Variants in TGIF1 observed in about 807,000 individuals in gnomAD.
TGIF1 encodes homeobox protein TGIF1.
TGIF1 carries 4 observed loss-of-function variants against 19.3 expected under a neutral mutation model. The ratio of observed to expected loss-of-function variants is 0.21; its 90% CI spans 0.10 to 0.47. TGIF1 has a LOEUF of 0.47. Among genes scored for constraint, TGIF1 ranks in the 20% least tolerant of loss-of-function variants. The pLI, the probability that TGIF1 is intolerant of heterozygous loss-of-function variation, is 0.98. For synonymous variants in TGIF1, 122 were observed against 129.3 expected, an observed-to-expected ratio of 0.94 and a Z score of 0.38; for missense variants, 275 against 341.4, an observed-to-expected ratio of 0.81 and a Z score of 1.53.
Position 3,427,880 on chromosome 18 carries a change from G to A in TGIF1, c.-45+9665G>A, listed in dbSNP as rs760487325. Among the ~76,000 whole-genome samples the A allele has an allele frequency of 3.9e-5, 6 of 152,158 alleles. 1 individual carries two copies. The East Asian group carries it at 5.8e-4, about 15-fold the overall frequency. On this transcript the variant is annotated intron_variant, in intron 2 of 3. Coordinates refer to the TGIF1 transcript ENST00000401449. The stretch of plus-strand genomic sequence containing the variant: ...CTCCCAAAGGGATGGGATTATAGGC[G>A]TGAACCACCACACCCGGCCTCAGAA...
chr18:3,450,542 G>C lies in TGIF1; in HGVS notation c.16+37G>C, dbSNP rs764608277. ...GCGGGCTGCGCGCACCAGAAGACGC[G>C]AGTCCGGGGAAACGTGCTGGCCGGG... On this transcript the variant is annotated intron_variant, in intron 1 of 2. Transcript: ENST00000343820. The C allele has an allele frequency of 4.5e-6, 7 of 1,555,462 alleles. No individual in the cohort carries two copies. The South Asian group carries it at 8.3e-5, about 18-fold the overall frequency.
intron 1 of TGIF1, among the ~76,000 whole-genome samples, chr18:3,414,801 C>A (rs1346552165): frequency 6.6e-6 from 1 of 152,140 alleles, no homozygotes; most frequent in Non-Finnish European, 1.5e-5. Context: ...GTCCAAGCTA[C>A]TCTGAGGCTG....
chr18:3,435,085 C>T (rs920893841), intron 2 of TGIF1, among the ~76,000 whole-genome samples: 1 of 152,124 alleles, frequency 6.6e-6, no homozygotes, highest in Admixed American at 6.6e-5. Flanking sequence ...AATACCAAGG[C>T]ACAGTCAATC....
At chr18:3,453,271 G>A (rs747337966) in intron 1 of TGIF1, among the ~76,000 whole-genome samples, 1 of 152,156 alleles carries the variant, frequency 6.6e-6, no homozygotes, top group Non-Finnish European at 1.5e-5. Context: ...AACTTGTTGA[G>A]TTAAATTTGC....
rs199561203 is a variant in TGIF1 at position 3,432,144 on chromosome 18, A to AAAAAAAAAAAAAAG, written c.-45+13929_-45+13930insAAAAAAAAAAAAAG. 2.2e-5 allele frequency among the ~76,000 whole-genome samples: 3 copies of AAAAAAAAAAAAAAG among 138,464 alleles called. 1 individual carries two copies. Among genetic ancestry groups the AAAAAAAAAAAAAAG allele is most frequent in the Non-Finnish European group, 1.5e-5 (1 of 66,144 alleles). 90.8% of individuals were successfully genotyped at this position (138,464 alleles called of 152,430 possible). ...CTGTCAAAAAAAAAAAAAAAAAAAA[A>AAAAAAAAAAAAAAG]CACTAAGAAAGCTAAGGAAGGCGAA... On this transcript the variant is annotated intron_variant, in intron 2 of 3. Transcript: ENST00000401449.
At position 3,457,346 on chromosome 18, in the gene TGIF1, C is replaced by G. The variant is rs764633361; in HGVS notation, c.244-19C>G. 6.2e-7 allele frequency: 1 copy of G among 1,613,196 alleles called. No homozygotes were observed. The highest frequency in any genetic ancestry group is 8.5e-7 in the Non-Finnish European group (1 of 1,179,448). ...TGAGTGAATGAGGAAAATGTTAAAG[C>G]GTACCGATATGATTTCAGGTCTGTA... On this transcript the variant is annotated intron_variant, in intron 2 of 2. Transcript: ENST00000343820. The surrounding 1 kb of genome is among the most constrained non-coding windows in gnomAD (Gnocchi z 4.9).
chr18:3,438,912 G>A (rs1310732672), intron 2 of TGIF1, among the ~76,000 whole-genome samples: 2 of 152,198 alleles, frequency 1.3e-5, no homozygotes, highest in East Asian at 3.8e-4. Flanking sequence ...AAATGGAATT[G>A]TTCTCTCTGA....
chr18:3,447,634 G>C, upstream of TGIF1: 1 of 1,254,076 alleles, frequency 8.0e-7, no homozygotes, highest in African/African-American at 1.5e-5. Flanking sequence ...GGAGGCAGTG[G>C]GGGTGCATCT....
chr18:3,457,350 C>T lies in TGIF1; in HGVS notation c.244-15C>T. ...TGAATGAGGAAAATGTTAAAGCGTA[C>T]CGATATGATTTCAGGTCTGTAACTG... On this transcript the variant is annotated splice_polypyrimidine_tract_variant and intron_variant, in intron 2 of 2. Coordinates refer to ENST00000343820, the MANE Select transcript of TGIF1 (RefSeq NM_003244.4). The surrounding 1 kb of genome is among the most constrained non-coding windows in gnomAD (Gnocchi z 4.9). 6.2e-7 allele frequency: 1 copy of T among 1,613,902 alleles called. No homozygotes were observed. The highest frequency in any genetic ancestry group is 8.5e-7 in the Non-Finnish European group (1 of 1,179,822).
At chr18:3,445,356 A>G (rs192629990), upstream of TGIF1, among the ~76,000 whole-genome samples, 10 of 152,284 alleles carry the variant, frequency 6.6e-5, no homozygotes, top group Admixed American at 4.6e-4. Flanking sequence ...GGAAGGGGGC[A>G]GTTACCAGGT....
intron 2 of TGIF1, among the ~76,000 whole-genome samples, chr18:3,422,055 G>A (rs972206589): frequency 4.6e-5 from 7 of 151,862 alleles, no homozygotes; most frequent in African/African-American, 1.2e-4. Flanking sequence ...TTAATTGGGC[G>A]TGGAGGTGGT....
intron 2 of TGIF1, among the ~76,000 whole-genome samples, chr18:3,431,013 C>T (rs773009858): frequency 1.3e-5 from 2 of 151,832 alleles, no homozygotes; most frequent in South Asian, 2.1e-4. Context: ...AGGGAGAATA[C>T]GATATGAACC....
Position 3,429,335 on chromosome 18 carries a change from C to T in TGIF1, c.-45+11120C>T, listed in dbSNP as rs567368313. Among the ~76,000 whole-genome samples, 110 of 152,212 alleles carry T rather than the reference C, an allele frequency of 7.2e-4. 1 individual carries two copies. Among genetic ancestry groups the T allele is most frequent in the Non-Finnish European group, 3.1e-4 (21 of 68,018 alleles). Reference sequence around the variant, plus strand: ...AAGCATTGGAATTACAGGCATGAGCCACCATGCTCAGCCTGTGGAACACCA... The same window carrying T: ...AAGCATTGGAATTACAGGCATGAGCTACCATGCTCAGCCTGTGGAACACCA... On this transcript the variant is annotated intron_variant, in intron 2 of 3. Coordinates refer to the TGIF1 transcript ENST00000401449.
intron 2 of TGIF1, among the ~76,000 whole-genome samples, chr18:3,435,227 C>G (rs887232863): frequency 6.6e-6 from 1 of 151,402 alleles, no homozygotes; most frequent in Non-Finnish European, 1.5e-5. Flanking sequence ...GAGTCTTGCT[C>G]TCTTGCCCAG....
intron 2 of TGIF1, among the ~76,000 whole-genome samples, chr18:3,419,418 A>G (rs921493434): frequency 9.2e-5 from 14 of 152,350 alleles, no homozygotes; most frequent in African/African-American, 2.4e-4. Flanking sequence ...TTCAGCAACC[A>G]GAACTGCAAA....
chr18:3,458,432 T>C lies in TGIF1; in HGVS notation c.*492T>C, dbSNP rs1364896617. 5.9e-6 allele frequency: 1 copy of C among 168,700 alleles called. No individual in the cohort carries two copies. The highest frequency in any genetic ancestry group is 1.3e-5 in the Non-Finnish European group (1 of 78,522). 10.5% of individuals were successfully genotyped at this position (168,700 alleles called of 1,614,324 possible). ...AAAAATTGTTGTAATTCAGAGTATTTCTGTTGAGGGAGGTGCTTCTTAAAA... is the reference window on the plus strand; with the variant it reads ...AAAAATTGTTGTAATTCAGAGTATTCCTGTTGAGGGAGGTGCTTCTTAAAA... On this transcript the variant is annotated 3_prime_UTR_variant, in exon 3 of 3. Transcript: ENST00000343820.
upstream of TGIF1, among the ~76,000 whole-genome samples, chr18:3,447,009 T>TTA (rs2082757113): frequency 1.3e-5 from 2 of 152,226 alleles, no homozygotes; most frequent in South Asian, 4.1e-4. Context: ...AAAATAATCA[T>TTA]ATTAAGTGCG....
chr18:3,425,373 A>G (rs2082453019), intron 2 of TGIF1, among the ~76,000 whole-genome samples: 1 of 152,240 alleles, frequency 6.6e-6, no homozygotes. Context: ...ACTGATGAAC[A>G]TCATGAAGTT....
rs1003978531 is a variant in TGIF1, at chr18:3,451,538, C to CG, written c.16+1036dup. The CG allele has an allele frequency of 7.0e-6, 7 of 1,005,754 alleles. No homozygotes were observed. The highest frequency in any genetic ancestry group is 8.3e-6 in the Non-Finnish European group (7 of 844,458). 62.3% of individuals were successfully genotyped at this position (1,005,754 alleles called of 1,614,324 possible). ...AGAAGTTAATCACTCGGGAAGCGGACGGGAGGGGCGGCGCTACTGCGCATG... is the reference window on the plus strand; with the variant it reads ...AGAAGTTAATCACTCGGGAAGCGGACGGGGAGGGGCGGCGCTACTGCGCATG... On this transcript the variant is annotated intron_variant, in intron 1 of 2. Transcript: ENST00000343820. The surrounding 1 kb of genome is among the most constrained non-coding windows in gnomAD (Gnocchi z 5.4).
Sources: gnomAD v4.1 joint callset for allele counts (sites outside exome capture counted in the v4.1 genomes callset) on GRCh38, gnomAD v4.1.1 for gene constraint, Gnocchi (gnomAD v3.1) non-coding constraint, MANE v1.5 for transcripts, NCBI Gene and HGNC (gene_info 2026-07-23, HGNC 2026-07-21) for gene names.